DPH6: variants seen among roughly 807,000 people sequenced by gnomAD.
DPH6 encodes the protein diphthamine biosynthesis 6.
A neutral mutation model predicts 38.2 loss-of-function variants in DPH6; 33 were observed. That is an observed-to-expected ratio of 0.86 (90% CI 0.65 to 1.15). The LOEUF (loss-of-function observed/expected upper bound fraction) is 1.15, where lower values mean the gene tolerates loss of function less well. DPH6 is among the 50% of genes most tolerant of loss of function. DPH6 has a pLI of 0.00. For synonymous variants in DPH6, 108 were observed against 103.0 expected (o/e 1.05, Z -0.30); for missense variants, 325 against 320.0 (o/e 1.02, Z -0.12).
intron 3 of DPH6, among the ~76,000 whole-genome samples, chr15:35,284,647 G>C (rs2140439626): frequency 6.6e-6 from 1 of 150,440 alleles, no homozygotes; most frequent in East Asian, 1.9e-4. Context: ...ATGAATGAAA[G>C]AAGAAATACT....
chr15:35,445,023 A>G (rs891407381), intron 5 of DPH6, among the ~76,000 whole-genome samples: 1 of 152,240 alleles, frequency 6.6e-6, no homozygotes, highest in Non-Finnish European at 1.5e-5. Context: ...AAAAAGTATC[A>G]TGAGATTGTC....
At chr15:35,485,572 A>T (rs1323499166) in intron 3 of DPH6, among the ~76,000 whole-genome samples, 1 of 152,138 alleles carries the variant, frequency 6.6e-6, no homozygotes, top group East Asian at 1.9e-4. Context: ...TGTTTCAATT[A>T]TCCATTGTTC....
At chr15:35,230,126 C>A (rs1031576675) in intron 3 of DPH6, among the ~76,000 whole-genome samples, 2 of 152,218 alleles carry the variant, frequency 1.3e-5, no homozygotes, top group African/African-American at 4.8e-5. Flanking sequence ...CCCCTAGGCC[C>A]CAGGCAGGTC....
At chr15:35,250,454 A>G (rs1332100853) in intron 3 of DPH6, among the ~76,000 whole-genome samples, 4 of 152,172 alleles carry the variant, frequency 2.6e-5, no homozygotes, top group Admixed American at 2.6e-4. Context: ...TTTTCCATTA[A>G]TATTCATGTA....
chr15:35,229,967 T>G (rs1202528176), intron 3 of DPH6, among the ~76,000 whole-genome samples: 6 of 152,200 alleles, frequency 3.9e-5, no homozygotes, highest in Non-Finnish European at 8.8e-5. Context: ...TCACTACCCC[T>G]GGGACTGTAC....
chr15:35,294,847 C>T (rs2052004593), intron 3 of DPH6, among the ~76,000 whole-genome samples: 1 of 152,166 alleles, frequency 6.6e-6, no homozygotes, highest in African/African-American at 2.4e-5. Context: ...TTTCCTAAAG[C>T]TATGAGACTT....
At chr15:35,539,744 C>A (rs2055224224) in intron 2 of DPH6, among the ~76,000 whole-genome samples, 1 of 151,982 alleles carries the variant, frequency 6.6e-6, no homozygotes, top group African/African-American at 2.4e-5. Context: ...TCCAGGCTTT[C>A]CATTAAATGT....
In DPH6 at chr15:35,531,047, G is replaced by A. The variant is rs77278415; in HGVS notation, c.312+7227C>T. Among the ~76,000 whole-genome samples the A allele has an allele frequency of 2.5e-3, 386 of 152,314 alleles. 1 individual carries two copies. The highest frequency in any genetic ancestry group is 8.7e-3 in the African/African-American group (362 of 41,558). On this transcript the variant is annotated intron_variant, in intron 3 of 8. Transcript: ENST00000256538. ...GCAATTTGTACAGGGCTGTGTGCCT[G>A]TTTAACTAATGCTATGTCTGCGTCC...
intron 3 of DPH6, among the ~76,000 whole-genome samples, chr15:35,338,803 C>T (rs2052396427): frequency 6.6e-6 from 1 of 152,148 alleles, no homozygotes; most frequent in Non-Finnish European, 1.5e-5. Flanking sequence ...CAATGATAGA[C>T]TGGATTAAGA....
chr15:35,527,781 G>C (rs1158348517), intron 3 of DPH6, among the ~76,000 whole-genome samples: 2 of 152,104 alleles, frequency 1.3e-5, no homozygotes, highest in Non-Finnish European at 2.9e-5. Flanking sequence ...AGGAGAATCT[G>C]AGAAAAGACA....
intron 3 of DPH6, among the ~76,000 whole-genome samples, chr15:35,466,242 A>T (rs904374973): frequency 2.0e-5 from 3 of 152,194 alleles, no homozygotes; most frequent in African/African-American, 7.2e-5. Context: ...ATAAAAGATA[A>T]GGTGATATTT....
intron 3 of DPH6, among the ~76,000 whole-genome samples, chr15:35,483,174 C>A (rs1177965346): frequency 6.6e-6 from 1 of 151,746 alleles, no homozygotes; most frequent in Non-Finnish European, 1.5e-5. Context: ...GAAATTAAAA[C>A]CACAATGAGG....
rs116104858 is a variant in DPH6 at position 35,486,858 on chromosome 15, A to G, written c.313-32038T>C. Among the ~76,000 whole-genome samples, 954 of 152,288 alleles carry G rather than the reference A, an allele frequency of 6.3e-3. 17 individuals are homozygous for G. Among genetic ancestry groups the G allele is most frequent in the African/African-American group, 0.022 (909 of 41,534 alleles). On this transcript the variant is annotated intron_variant, in intron 3 of 8. Transcript: ENST00000256538. ...AGTCCCTTCTGCCTATGAGCCTGTA[A>G]AATAAAATACAAATTAGTTACTTAC...
intron 3 of DPH6, among the ~76,000 whole-genome samples, chr15:35,259,061 C>A (rs920903576): frequency 6.6e-6 from 1 of 151,488 alleles, no homozygotes; most frequent in Non-Finnish European, 1.5e-5. Context: ...CAGAGAATCG[C>A]TTGAACCCAG....
intron 2 of DPH6, among the ~76,000 whole-genome samples, chr15:35,540,943 G>A (rs1017918849): frequency 6.6e-6 from 1 of 152,002 alleles, no homozygotes; most frequent in East Asian, 1.9e-4. Flanking sequence ...GCCTCCCCCT[G>A]GCCACAAGGG....
chr15:35,185,967 C>T, the DPH6 span, among the ~76,000 whole-genome samples: 8 of 151,998 alleles, frequency 5.3e-5, no homozygotes, highest in African/African-American at 1.5e-4. Context: ...ATCTCCTGAC[C>T]TCGTGATCCG....
At chr15:35,512,915 T>G (rs1356328040) in intron 3 of DPH6, among the ~76,000 whole-genome samples, 1 of 152,086 alleles carries the variant, frequency 6.6e-6, no homozygotes. Flanking sequence ...AATTTATGGA[T>G]CACATCAAAG....
At chr15:35,336,402 C>A (rs548414947) in intron 3 of DPH6, among the ~76,000 whole-genome samples, 1 of 152,062 alleles carries the variant, frequency 6.6e-6, no homozygotes, top group East Asian at 1.9e-4. Context: ...CTTCTCTTTT[C>A]ACTTCATTTC....
intron 3 of DPH6, among the ~76,000 whole-genome samples, chr15:35,527,908 G>A (rs901606905): frequency 3.9e-5 from 6 of 152,286 alleles, no homozygotes; most frequent in Middle Eastern, 3.4e-3. Flanking sequence ...CTCTCTCACA[G>A]GAGTTTAAAG....
Sources: gnomAD v4.1 joint callset for allele counts (sites outside exome capture counted in the v4.1 genomes callset) on GRCh38, gnomAD v4.1.1 for gene constraint, MANE v1.5 for transcripts, NCBI Gene and HGNC (gene_info 2026-07-23, HGNC 2026-07-21) for gene names.